RARB: variants seen among roughly 807,000 people sequenced by gnomAD.
RARB encodes HBV-activated protein.
Under a neutral mutation model 51.9 loss-of-function variants are expected in RARB, and 17 were observed. That is an observed-to-expected ratio of 0.33 (90% confidence interval 0.22 to 0.49). RARB has a LOEUF of 0.49. RARB is among the 20% of genes least tolerant of loss of function. The pLI is 0.99. For synonymous variants in RARB, 215 were observed against 195.4 expected, an observed-to-expected ratio of 1.10 and a Z score of -0.84; for missense variants, 369 against 550.8, an observed-to-expected ratio of 0.67 and a Z score of 3.30.
intron 3 of RARB, among the ~76,000 whole-genome samples, chr3:25,557,354 A>G (rs1015965345): frequency 6.6e-6 from 1 of 151,976 alleles, no homozygotes; most frequent in Non-Finnish European, 1.5e-5. Context: ...GGACTAAGGA[A>G]TTCCTCTTCA....
At chr3:25,407,543 A>G (rs1707445054) in intron 5 of RARB, among the ~76,000 whole-genome samples, 1 of 152,132 alleles carries the variant, frequency 6.6e-6, no homozygotes, top group Non-Finnish European at 1.5e-5. Flanking sequence ...ACACTATCCC[A>G]CCTGCTGGTT....
intron 2 of RARB, among the ~76,000 whole-genome samples, chr3:24,890,552 C>T (rs776945460): frequency 4.6e-5 from 7 of 152,058 alleles, no homozygotes; most frequent in Admixed American, 6.6e-5. Context: ...AGTTGGAAAT[C>T]AGCCTGGGGA....
At chr3:25,244,161 C>T (rs1442171444) in intron 5 of RARB, among the ~76,000 whole-genome samples, 2 of 151,974 alleles carry the variant, frequency 1.3e-5, no homozygotes, top group Non-Finnish European at 2.9e-5. Flanking sequence ...GTGATATCCC[C>T]TTTATCATTT....
At chr3:25,491,473 T>C (rs1696733277) in intron 2 of RARB, among the ~76,000 whole-genome samples, 1 of 152,064 alleles carries the variant, frequency 6.6e-6, no homozygotes, top group South Asian at 2.1e-4. Flanking sequence ...TCTTTAAACA[T>C]AAGGTCAACC....
chr3:25,063,035 G>T (rs149861629), intron 3 of RARB, among the ~76,000 whole-genome samples: 2 of 152,020 alleles, frequency 1.3e-5, no homozygotes, highest in Non-Finnish European at 2.9e-5. Context: ...TTTCAGACGA[G>T]AACTGTGTAA....
chr3:25,216,449 G>C (rs992877410), intron 5 of RARB, among the ~76,000 whole-genome samples: 1 of 152,098 alleles, frequency 6.6e-6, no homozygotes, highest in Admixed American at 6.6e-5. Flanking sequence ...CATGGATGAA[G>C]CTGGACGCTA....
intron 2 of RARB, among the ~76,000 whole-genome samples, chr3:24,888,149 C>T (rs1703299055): frequency 6.6e-6 from 1 of 152,174 alleles, no homozygotes; most frequent in South Asian, 2.1e-4. Context: ...AGATACAGCC[C>T]TTTTCACATA....
chr3:25,338,013 C>T (rs1179789746), intron 5 of RARB, among the ~76,000 whole-genome samples: 1 of 151,956 alleles, frequency 6.6e-6, no homozygotes. Flanking sequence ...AACACTATAT[C>T]TTTCACTGAA....
At chr3:25,387,210 T>G (rs930138196) in intron 5 of RARB, among the ~76,000 whole-genome samples, 4 of 152,154 alleles carry the variant, frequency 2.6e-5, no homozygotes, top group Non-Finnish European at 5.9e-5. Flanking sequence ...GCTTAATTCC[T>G]TTTGGAGCCA....
At chr3:25,063,725 T>TA (rs77878713) in intron 3 of RARB, among the ~76,000 whole-genome samples, 58 of 149,422 alleles carry the variant, frequency 3.9e-4, no homozygotes, top group African/African-American at 6.6e-4. Flanking sequence ...TTTTTTTTTT[T>TA]AAAAAGATGA....
Position 25,441,321 on chromosome 3 carries a change from T to C in RARB, c.157+12433T>C, listed in dbSNP as rs75830743. 4.8e-4 allele frequency: 182 copies of C among 379,034 alleles called. 4 individuals are homozygous for C. The East Asian group carries it at 8.3e-3, about 17-fold the overall frequency. 23.5% of individuals were successfully genotyped at this position (379,034 alleles called of 1,614,324 possible). On this transcript the variant is annotated intron_variant, in intron 1 of 7. Coordinates refer to ENST00000330688, the MANE Select transcript of RARB (RefSeq NM_000965.5). ...TGTTTTAAAGTCCTGAGCAATTTCT[T>C]GCACCACATATTGGAAGGGAAGTTT...
intron 2 of RARB, among the ~76,000 whole-genome samples, chr3:24,863,936 C>A (rs1328429992): frequency 6.6e-6 from 1 of 152,116 alleles, no homozygotes; most frequent in African/African-American, 2.4e-5. Flanking sequence ...GCCCGCCCCT[C>A]CCTGAGGCTC....
Position 25,369,235 on chromosome 3 carries a change from A to G in RARB, c.179-91958A>G, listed in dbSNP as rs144632130. ...AATAAATAAGTATTTTTGAGCACTT[A>G]TTTTATATATGACACTGTAAGGCAT... On this transcript the variant is annotated intron_variant, in intron 5 of 11. Coordinates refer to the RARB transcript ENST00000383772. Among the ~76,000 whole-genome samples, 250 of 152,300 alleles carry G rather than the reference A, an allele frequency of 1.6e-3. 2 individuals are homozygous for G. Among genetic ancestry groups the G allele is most frequent in the Non-Finnish European group, 3.0e-3 (206 of 68,024 alleles).
At chr3:25,340,434 G>A (rs1705194535) in intron 5 of RARB, among the ~76,000 whole-genome samples, 3 of 152,080 alleles carry the variant, frequency 2.0e-5, no homozygotes, top group South Asian at 2.1e-4. Flanking sequence ...CACAAGTGAT[G>A]AGCCACCACC....
intron 4 of RARB, among the ~76,000 whole-genome samples, chr3:25,143,995 T>G (rs745835387): frequency 6.6e-6 from 1 of 152,102 alleles, no homozygotes; most frequent in African/African-American, 2.4e-5. Context: ...ATGAAAGATA[T>G]TCATAACCTT....
intron 2 of RARB, among the ~76,000 whole-genome samples, chr3:24,906,322 G>T (rs940720428): frequency 2.6e-5 from 4 of 152,158 alleles, no homozygotes; most frequent in African/African-American, 9.7e-5. Flanking sequence ...TTAGTGTTTG[G>T]ATTGACTTGG....
At chr3:25,247,804 T>C (rs917497204) in intron 5 of RARB, among the ~76,000 whole-genome samples, 1 of 152,260 alleles carries the variant, frequency 6.6e-6, no homozygotes, top group South Asian at 2.1e-4. Flanking sequence ...TCTTAACATA[T>C]CTATTCTGAA....
intron 2 of RARB, among the ~76,000 whole-genome samples, chr3:24,957,739 C>G (rs963631396): frequency 2.8e-4 from 43 of 152,122 alleles, no homozygotes; most frequent in Non-Finnish European, 7.3e-5. Flanking sequence ...AACCAGCTGT[C>G]AGAAAAGGAC....
At chr3:25,271,088 T>C (rs1017660841) in intron 5 of RARB, among the ~76,000 whole-genome samples, 9 of 152,220 alleles carry the variant, frequency 5.9e-5, no homozygotes, top group African/African-American at 2.2e-4. Context: ...AATTAGAACA[T>C]AAGTCTCTTG....
Sources: allele counts gnomAD v4.1 joint callset (sites outside exome capture counted in the v4.1 genomes callset), GRCh38; gene constraint gnomAD v4.1.1; transcripts MANE v1.5; gene names NCBI Gene and HGNC (gene_info 2026-07-23, HGNC 2026-07-21).